TBC1D5: variants seen among roughly 807,000 people sequenced by gnomAD.
The protein encoded by TBC1D5 is TBC1 domain family, member 5.
In TBC1D5, 75 loss-of-function variants were observed where a neutral mutation model predicts 100.3. That is an observed-to-expected ratio of 0.75 (90% CI 0.62 to 0.91). The LOEUF (loss-of-function observed/expected upper bound fraction) is 0.91, where lower values mean the gene tolerates loss of function less well. Ranked by LOEUF, TBC1D5 falls within the 40% of genes least tolerant of loss-of-function variation. The probability of loss-of-function intolerance (pLI) is 0.00; values close to 1 mark genes in which losing one functional copy is unlikely to be tolerated. For missense variants in TBC1D5, 910 were observed against 942.4 expected, an observed-to-expected ratio of 0.97 and a Z score of 0.45; for synonymous variants, 323 against 325.6, an observed-to-expected ratio of 0.99 and a Z score of 0.09.
intron 13 of TBC1D5, among the ~76,000 whole-genome samples, chr3:17,343,325 T>G (rs1270914638): frequency 6.6e-6 from 1 of 151,802 alleles, no homozygotes; most frequent in Admixed American, 6.6e-5. Flanking sequence ...GCCCACTTGA[T>G]CATGGTGGAT....
intron 20 of TBC1D5, 128 bp downstream of exon 21, chr3:17,167,621 G>A (rs2066763080): frequency 5.3e-6 from 4 of 754,682 alleles, no homozygotes; most frequent in Non-Finnish European, 9.0e-6. Context: ...GATGCAGAAG[G>A]GGCTCTGTCT....
intron 9 of TBC1D5, among the ~76,000 whole-genome samples, chr3:17,378,456 T>C (rs2092798111): frequency 6.6e-6 from 1 of 151,920 alleles, no homozygotes; most frequent in Non-Finnish European, 1.5e-5. Context: ...ATTTAAATGC[T>C]AGCAAGATTG....
chr3:17,306,304 A>G (rs2083395752), intron 14 of TBC1D5, among the ~76,000 whole-genome samples: 1 of 152,204 alleles, frequency 6.6e-6, no homozygotes, highest in Non-Finnish European at 1.5e-5. Flanking sequence ...GAAATCATTT[A>G]TGTCAGTCTT....
chr3:17,727,035 C>G (rs560698581), intron 1 of TBC1D5, among the ~76,000 whole-genome samples: 1 of 152,100 alleles, frequency 6.6e-6, no homozygotes, highest in South Asian at 2.1e-4. Context: ...ATATGTATAA[C>G]GGCTGTGGAA....
rs556265514 is a variant in TBC1D5 at position 17,271,866 on chromosome 3, T to C, written c.1246-13275A>G. On this transcript the variant is annotated intron_variant, in intron 15 of 21. Transcript: ENST00000253692. ...TTCTGCATTTATTGAGATGATCATA[T>C]GGTTTTGTTTTTAATTCAGTTTATG... Among the ~76,000 whole-genome samples, 14 of 152,268 alleles carry C rather than the reference T, an allele frequency of 9.2e-5. No individual in the cohort carries two copies. In the East Asian group the frequency reaches 1.5e-3, roughly 17 times the overall value.
At chr3:17,259,933 G>A (rs759438667) in intron 15 of TBC1D5, among the ~76,000 whole-genome samples, 1 of 152,086 alleles carries the variant, frequency 6.6e-6, no homozygotes, top group African/African-American at 2.4e-5. Context: ...CACTGGTTTG[G>A]TATTCAACAC....
Position 17,679,072 on chromosome 3 carries a change from A to T in TBC1D5, c.-100-55159T>A, listed in dbSNP as rs1469972293. On this transcript the variant is annotated intron_variant, in intron 1 of 21. Coordinates refer to ENST00000253692, the Ensembl canonical transcript of TBC1D5. ...AGGGCCTATTTCCATATAATGAAAA[A>T]GTTACAGAAAAAAAAAAAAACAATG... 5.2e-5 allele frequency among the ~76,000 whole-genome samples: 6 copies of T among 114,486 alleles called. 1 individual carries two copies. The highest frequency in any genetic ancestry group is 1.9e-4 in the African/African-American group (6 of 32,050). The allele number at this position is 114,486 out of a possible 152,430, so 75.1% of individuals were successfully genotyped here.
At chr3:17,550,653 T>G (rs1010271603) in intron 2 of TBC1D5, among the ~76,000 whole-genome samples, 2 of 152,108 alleles carry the variant, frequency 1.3e-5, no homozygotes, top group Non-Finnish European at 2.9e-5. Flanking sequence ...CAATTAAAAT[T>G]ATGGTAAAAC....
chr3:17,211,682 T>C (rs2073008897), intron 18 of TBC1D5, among the ~76,000 whole-genome samples: 1 of 152,212 alleles, frequency 6.6e-6, no homozygotes, highest in Non-Finnish European at 1.5e-5. Context: ...TTAGGCTGCT[T>C]AGTTGTCACT....
intron 1 of TBC1D5, among the ~76,000 whole-genome samples, chr3:17,655,683 T>C (rs11128837): frequency 0.57 from 86,642 of 151,848 alleles, 25,552 homozygotes; most frequent in East Asian, 0.99. Flanking sequence ...TGAACGCTGA[T>C]GTGATGCTCA....
At chr3:17,450,246 T>C (rs960923185) in intron 3 of TBC1D5, among the ~76,000 whole-genome samples, 1 of 151,920 alleles carries the variant, frequency 6.6e-6, no homozygotes, top group Non-Finnish European at 1.5e-5. Flanking sequence ...ACATCAAAGA[T>C]AAAAGGTAGA....
At chr3:17,475,709 A>C (rs2095430123) in intron 3 of TBC1D5, among the ~76,000 whole-genome samples, 1 of 152,132 alleles carries the variant, frequency 6.6e-6, no homozygotes, top group Non-Finnish European at 1.5e-5. Flanking sequence ...CACTGCTGAT[A>C]CACATTTGGA....
At chr3:17,209,760 T>C (rs915179547) in intron 18 of TBC1D5, among the ~76,000 whole-genome samples, 4 of 152,240 alleles carry the variant, frequency 2.6e-5, no homozygotes, top group African/African-American at 9.6e-5. Context: ...GTTTAGCTTT[T>C]ACAAAGTTAT....
intron 14 of TBC1D5, among the ~76,000 whole-genome samples, chr3:17,299,234 G>A (rs1462905129): frequency 6.6e-6 from 1 of 152,106 alleles, no homozygotes; most frequent in East Asian, 1.9e-4. Context: ...TGGATATGCT[G>A]GACAAGGGAA....
intron 2 of TBC1D5, among the ~76,000 whole-genome samples, chr3:17,560,633 G>A (rs2096552382): frequency 6.7e-6 from 1 of 149,788 alleles, no homozygotes; most frequent in Admixed American, 6.7e-5. Flanking sequence ...AAAAAAAGGG[G>A]GGGTGGGGGG....
intron 13 of TBC1D5, among the ~76,000 whole-genome samples, chr3:17,327,873 C>A (rs1575356324): frequency 6.6e-6 from 1 of 152,042 alleles, no homozygotes; most frequent in Admixed American, 6.6e-5. Flanking sequence ...ACCTGGTATA[C>A]AATGGATGTT....
At chr3:17,435,259 T>C (rs536608548) in intron 3 of TBC1D5, among the ~76,000 whole-genome samples, 1 of 152,018 alleles carries the variant, frequency 6.6e-6, no homozygotes, top group Non-Finnish European at 1.5e-5. Flanking sequence ...CCAAAGTCTC[T>C]TCCACATTTT....
At chr3:17,474,804 A>G (rs1021480176) in intron 3 of TBC1D5, among the ~76,000 whole-genome samples, 48 of 152,120 alleles carry the variant, frequency 3.2e-4, no homozygotes, top group East Asian at 1.9e-4. Context: ...TATGATATAC[A>G]TTGCCAAATG....
intron 2 of TBC1D5, among the ~76,000 whole-genome samples, chr3:17,511,255 T>C (rs560255274): frequency 1.3e-5 from 2 of 152,036 alleles, no homozygotes; most frequent in Non-Finnish European, 2.9e-5. Flanking sequence ...AATGTAAGAT[T>C]TATATTCTTC....
Sources: allele counts gnomAD v4.1 joint callset (sites outside exome capture counted in the v4.1 genomes callset), GRCh38; gene constraint gnomAD v4.1.1; transcripts MANE v1.5; gene names NCBI Gene and HGNC (gene_info 2026-07-23, HGNC 2026-07-21).